The following USH2A variants were observed in gnomAD, a reference collection of about 807,000 sequenced individuals.
The protein encoded by USH2A is usherin.
Under a neutral mutation model 538.9 loss-of-function variants are expected in USH2A, and 443 were observed. The ratio of observed to expected loss-of-function variants is 0.82; its 90% CI spans 0.76 to 0.89. The LOEUF is 0.89. Ranked by LOEUF, USH2A falls within the 40% of genes least tolerant of loss-of-function variation. The probability of loss-of-function intolerance (pLI) is 0.00; values close to 1 mark genes in which losing one functional copy is unlikely to be tolerated. For missense variants in USH2A, 6,633 were observed against 6,324.8 expected, an observed-to-expected ratio of 1.05 and a Z score of -1.65; for synonymous variants, 2,413 against 2,273.5, an observed-to-expected ratio of 1.06 and a Z score of -1.75.
At chr1:216,310,794 G>A (rs1439455039) in intron 9 of USH2A, among the ~76,000 whole-genome samples, 10 of 152,092 alleles carry the variant, frequency 6.6e-5, no homozygotes, top group Non-Finnish European at 1.5e-4. Flanking sequence ...TTTAAAATTC[G>A]TGGTCAGGGA....
chr1:215,933,323 T>C (rs1666409876), intron 38 of USH2A, among the ~76,000 whole-genome samples: 1 of 151,914 alleles, frequency 6.6e-6, no homozygotes, highest in African/African-American at 2.4e-5. Context: ...GGGGGGAGTT[T>C]GTTTTATTTT....
intron 16 of USH2A, among the ~76,000 whole-genome samples, chr1:216,203,387 T>C (rs2035041393): frequency 6.6e-6 from 1 of 152,110 alleles, no homozygotes; most frequent in South Asian, 2.1e-4. Context: ...AGAACAATTA[T>C]AACAATATAC....
intron 21 of USH2A, among the ~76,000 whole-genome samples, chr1:216,162,038 C>T (rs1192650213): frequency 6.6e-6 from 1 of 151,862 alleles, no homozygotes. Flanking sequence ...CTTATATTTG[C>T]CCTCCTTATG....
intron 30 of USH2A, among the ~76,000 whole-genome samples, chr1:216,050,604 C>CTTTCTTTCTTTCTTTCTTTCTT (rs1195871302): frequency 5.8e-5 from 4 of 68,602 alleles, no homozygotes; most frequent in African/African-American, 1.6e-4. Flanking sequence ...TTCTTTCTTT[C>CTTTCTTTCTTTCTTTCTTTCTT]TTTTTTTTTT....
chr1:216,008,359 C>G (rs977698994), intron 32 of USH2A, among the ~76,000 whole-genome samples: 1 of 151,956 alleles, frequency 6.6e-6, no homozygotes, highest in African/African-American at 2.4e-5. Flanking sequence ...GTGACCCCCA[C>G]TCTGGCCTCC....
intron 64 of USH2A, among the ~76,000 whole-genome samples, chr1:215,659,933 G>A (rs1326934401): frequency 6.6e-6 from 1 of 152,136 alleles, no homozygotes; most frequent in Non-Finnish European, 1.5e-5. Context: ...TCTTGACTAT[G>A]CTAAGAAATA....
At chr1:215,677,831 C>T (rs914593657) in intron 62 of USH2A, among the ~76,000 whole-genome samples, 3 of 152,204 alleles carry the variant, frequency 2.0e-5, no homozygotes, top group Non-Finnish European at 2.9e-5. Context: ...GTTTATATAA[C>T]ATCCACCTGC....
chr1:215,805,987 A>C, intron 49 of USH2A, among the ~76,000 whole-genome samples: 1 of 136,734 alleles, frequency 7.3e-6, no homozygotes, highest in Non-Finnish European at 1.5e-5. Flanking sequence ...ACACAATCAA[A>C]AAAAAAAAAA....
intron 15 of USH2A, among the ~76,000 whole-genome samples, chr1:216,210,679 T>C (rs923442736): frequency 2.0e-5 from 3 of 152,078 alleles, no homozygotes; most frequent in Admixed American, 1.3e-4. Context: ...TGGTCTCAAG[T>C]AGTAATTGTG....
intron 21 of USH2A, among the ~76,000 whole-genome samples, chr1:216,166,486 A>G (rs2034172093): frequency 6.6e-6 from 1 of 152,144 alleles, no homozygotes; most frequent in Non-Finnish European, 1.5e-5. Flanking sequence ...CAATAAAAAT[A>G]ATTCGTTTGA....
intron 61 of USH2A, among the ~76,000 whole-genome samples, chr1:215,712,202 C>T (rs1412883589): frequency 6.6e-6 from 1 of 151,924 alleles, no homozygotes; most frequent in East Asian, 1.9e-4. Context: ...TTAATGTGGC[C>T]CAGTAATATT....
intron 30 of USH2A, among the ~76,000 whole-genome samples, chr1:216,060,988 G>A (rs1321871131): frequency 2.0e-5 from 3 of 152,118 alleles, no homozygotes; most frequent in Non-Finnish European, 4.4e-5. Context: ...AAGATACACA[G>A]GAGTGATAAC....
chr1:215,719,000 T>C (rs1659575205), intron 61 of USH2A, among the ~76,000 whole-genome samples: 1 of 152,174 alleles, frequency 6.6e-6, no homozygotes, highest in Admixed American at 6.5e-5. Flanking sequence ...GGCCAGAAAA[T>C]AGCAACATAC....
At chr1:215,882,923 A>G (rs1051076293) in intron 41 of USH2A, among the ~76,000 whole-genome samples, 13 of 152,178 alleles carry the variant, frequency 8.5e-5, no homozygotes, top group African/African-American at 3.1e-4. Context: ...TGGAAAGATT[A>G]CCAAGTATTG....
At chr1:216,270,534 C>T (rs2036554788) in intron 11 of USH2A, among the ~76,000 whole-genome samples, 1 of 152,110 alleles carries the variant, frequency 6.6e-6, no homozygotes, top group Non-Finnish European at 1.5e-5. Flanking sequence ...ACAAGCTATG[C>T]ACTCTGTGAG....
In USH2A at chr1:216,293,368, T is replaced by C. The variant is rs150471485; in HGVS notation, c.1645-998A>G. On this transcript the variant is annotated intron_variant, in intron 9 of 71. Transcript: ENST00000307340. ...GTGAATTGTCACGCTCCTTTCTAAG[T>C]TTGAATCAGCTTCCAACATTTTAAC... Among the ~76,000 whole-genome samples, 370 of 152,316 alleles carry C rather than the reference T, an allele frequency of 2.4e-3. 2 individuals carry two copies. The highest frequency in any genetic ancestry group is 5.6e-3 in the African/African-American group (232 of 41,574).
intron 27 of USH2A, among the ~76,000 whole-genome samples, chr1:216,075,970 G>T (rs1276046233): frequency 3.3e-5 from 5 of 152,018 alleles, no homozygotes; most frequent in Non-Finnish European, 7.4e-5. Context: ...TTGATAGTGG[G>T]TTGAAAGAAA....
At chr1:215,983,360 T>C (rs1667796663) in intron 35 of USH2A, among the ~76,000 whole-genome samples, 1 of 152,224 alleles carries the variant, frequency 6.6e-6, no homozygotes, top group African/African-American at 2.4e-5. Context: ...AGAAATATTT[T>C]ATAACAATAA....
chr1:215,719,469 T>C (rs1659590795), intron 61 of USH2A, among the ~76,000 whole-genome samples: 1 of 151,720 alleles, frequency 6.6e-6, no homozygotes, highest in Admixed American at 6.6e-5. Context: ...CAATGTGGTA[T>C]CAGGAAACAT....
Sources: allele counts gnomAD v4.1 joint callset (sites outside exome capture counted in the v4.1 genomes callset), GRCh38; gene constraint gnomAD v4.1.1; transcripts MANE v1.5; gene names NCBI Gene and HGNC (gene_info 2026-07-23, HGNC 2026-07-21).